The following MARK1 variants were observed in gnomAD, a reference collection of about 807,000 sequenced individuals.
The protein encoded by MARK1 is microtubule affinity regulating kinase 1, also known as serine/threonine-protein kinase MARK1.
In MARK1, 40 loss-of-function variants were observed where a neutral mutation model predicts 96.3. The ratio of observed to expected loss-of-function variants is 0.42; its 90% CI spans 0.32 to 0.54. The LOEUF (loss-of-function observed/expected upper bound fraction) is 0.54, where lower values mean the gene tolerates loss of function less well. MARK1 is among the 20% of genes least tolerant of loss of function. The pLI, the probability that MARK1 is intolerant of heterozygous loss-of-function variation, is 0.16. For synonymous variants in MARK1, 317 were observed against 341.2 expected (o/e 0.93, Z 0.78); for missense variants, 719 against 984.6 (o/e 0.73, Z 3.61).
chr1:220,631,612 C>T (rs1235234302), intron 10 of MARK1, among the ~76,000 whole-genome samples: 2 of 152,174 alleles, frequency 1.3e-5, no homozygotes, highest in African/African-American at 2.4e-5. Context: ...AGCTCTCCTT[C>T]TAACTTGTTC....
chr1:220,634,851 G>A (rs924300445), intron 11 of MARK1, among the ~76,000 whole-genome samples: 3 of 151,640 alleles, frequency 2.0e-5, no homozygotes, highest in Non-Finnish European at 2.9e-5. Context: ...TTTTGCAAAT[G>A]TGGAGAAAAC....
chr1:220,616,905 A>G (rs1666784656), intron 7 of MARK1, among the ~76,000 whole-genome samples: 1 of 152,218 alleles, frequency 6.6e-6, no homozygotes, highest in Non-Finnish European at 1.5e-5. Flanking sequence ...TGCAAAAAAT[A>G]ATCATGTTCA....
At chr1:220,631,994 G>A (rs1667704946) in intron 10 of MARK1, among the ~76,000 whole-genome samples, 1 of 152,062 alleles carries the variant, frequency 6.6e-6, no homozygotes, top group African/African-American at 2.4e-5. Flanking sequence ...CCATGATGTA[G>A]GTAATTTCTG....
Position 220,654,917 on chromosome 1 carries a change from T to C in MARK1, c.1988+1565T>C, listed in dbSNP as rs1207685845. ...CCAAAGCAAGAAAGTGCCTTAGAGC[T>C]GGTCTGTTGGGAGGTTCTGATAAAG... On this transcript the variant is annotated intron_variant, in intron 16 of 17. Transcript: ENST00000366917. This position sits in a 1 kb window ranked among gnomAD's most constrained non-coding sequence, Gnocchi z 4.0. Among the ~76,000 whole-genome samples, 1 of 152,236 alleles carries C rather than the reference T, an allele frequency of 6.6e-6. No homozygotes were observed. Among genetic ancestry groups the C allele is most frequent in the East Asian group, 1.9e-4 (1 of 5,202 alleles).
rs541441840 is a variant in MARK1 at position 220,615,518 on chromosome 1, A to G, written c.496-421A>G. ...AACATGCCTTGAACACATTTGATGT[A>G]ATTCCTAGAATAGAGTTTTGCTTTT... On this transcript the variant is annotated intron_variant, in intron 6 of 17. Transcript: ENST00000366917. 2.0e-5 allele frequency among the ~76,000 whole-genome samples: 3 copies of G among 152,314 alleles called. No homozygotes were observed. The South Asian group carries it at 6.2e-4, about 32-fold the overall frequency.
In MARK1 at chr1:220,533,011, T is replaced by TAAA. The variant is rs80225416; in HGVS notation, c.51+4138_51+4139insAAA. ...GGTGACAGAGTGTGAACCCTTTTTT[T>TAAA]TAAAAAAAAAAATAGATTTTAGAAG... On this transcript the variant is annotated intron_variant, in intron 1 of 17. Transcript: ENST00000366917. 3.6e-5 allele frequency among the ~76,000 whole-genome samples: 4 copies of TAAA among 111,884 alleles called. No individual in the cohort carries two copies. In the East Asian group the frequency reaches 7.2e-4, roughly 20 times the overall value. The allele number at this position is 111,884 out of a possible 152,430, so 73.4% of individuals were successfully genotyped here.
At position 220,631,085 on chromosome 1, in the gene MARK1, A is replaced by G. The variant is rs755051741; in HGVS notation, c.960A>G (p.Leu320=). The G allele has an allele frequency of 3.1e-6, 5 of 1,613,246 alleles. No individual in the cohort carries two copies. Among genetic ancestry groups the G allele is most frequent in the Non-Finnish European group, 4.2e-6 (5 of 1,179,384 alleles). The change falls in exon 10 of 18, where the codon CTA becomes CTG. Residue 320 remains leucine, a synonymous_variant. Coordinates refer to ENST00000366917, the MANE Select transcript of MARK1 (RefSeq NM_018650.5). ...ATGTTGGTCATGAAGAGGAAGAACTAAAGCCATATACTGAGCCTGATCCGG... is the reference window on the plus strand; with the variant it reads ...ATGTTGGTCATGAAGAGGAAGAACTGAAGCCATATACTGAGCCTGATCCGG... ...WMNVGHEEEE[L]KPYTEPDPDF...
intron 6 of MARK1, among the ~76,000 whole-genome samples, chr1:220,612,086 T>G (rs1346572614): frequency 6.6e-6 from 1 of 152,256 alleles, no homozygotes; most frequent in African/African-American, 2.4e-5. Context: ...TAGCTTTTGT[T>G]AGTAGCAGAC....
rs1239067738 is a variant in MARK1, at chr1:220,632,220, C to A, written c.1029C>A (p.Gly343=). 3.3e-6 allele frequency: 5 copies of A among 1,499,154 alleles called. No homozygotes were observed. Among genetic ancestry groups the A allele is most frequent in the Non-Finnish European group, 4.5e-6 (5 of 1,118,772 alleles). 92.9% of individuals were successfully genotyped at this position (1,499,154 alleles called of 1,614,324 possible). ...TKRIDIMVTM[G]FARDEINDAL... is the part of the protein sequence containing the mutation. Reference sequence around the variant, plus strand: ...TTCTAGACATTATGGTCACCATGGGCTTTGCACGAGATGAAATAAATGATG... The same window carrying A: ...TTCTAGACATTATGGTCACCATGGGATTTGCACGAGATGAAATAAATGATG... The change falls in exon 11 of 18, where the codon GGC becomes GGA. Residue 343 remains glycine, a synonymous_variant. Transcript: ENST00000366917.
At chr1:220,572,901 A>T (rs1428254876) in intron 1 of MARK1, among the ~76,000 whole-genome samples, 1 of 152,178 alleles carries the variant, frequency 6.6e-6, no homozygotes, top group African/African-American at 2.4e-5. Flanking sequence ...TTTTTGAGGA[A>T]TGTTTTCACT....
chr1:220,649,330 A>T (rs897805656), intron 13 of MARK1, among the ~76,000 whole-genome samples: 2 of 151,952 alleles, frequency 1.3e-5, no homozygotes, highest in Admixed American at 1.3e-4. Context: ...GGGCTCAGGT[A>T]ATCCTCCCAC....
chr1:220,609,597 A>T (rs1251982684), intron 6 of MARK1, among the ~76,000 whole-genome samples: 1 of 152,212 alleles, frequency 6.6e-6, no homozygotes, highest in Non-Finnish European at 1.5e-5. Context: ...TCCTGTCATT[A>T]CAACGTTTGC....
intron 14 of MARK1, 121 bp downstream of exon 14, chr1:220,650,841 T>A: frequency 1.6e-6 from 1 of 642,302 alleles, no homozygotes; most frequent in Admixed American, 2.8e-5. Context: ...ATAGTAAGAT[T>A]GCAACCAACC....
At chr1:220,608,849 C>T (rs1666253097) in intron 6 of MARK1, among the ~76,000 whole-genome samples, 1 of 152,276 alleles carries the variant, frequency 6.6e-6, no homozygotes, top group African/African-American at 2.4e-5. Context: ...GTTCAGTTCC[C>T]ATGTAGTTGT....
At chr1:220,629,352 C>CTTTT (rs77070158) in intron 9 of MARK1, among the ~76,000 whole-genome samples, 17 of 134,474 alleles carry the variant, frequency 1.3e-4, no homozygotes, top group African/African-American at 4.6e-4. Flanking sequence ...ACAAGATTGC[C>CTTTT]TTTTTTTTTT....
rs1196113009 is a variant in MARK1 at position 220,607,368 on chromosome 1, C to G, written c.495+3231C>G. 5.9e-5 allele frequency among the ~76,000 whole-genome samples: 9 copies of G among 152,132 alleles called. No individual in the cohort carries two copies. In the South Asian group the frequency reaches 1.7e-3, roughly 28 times the overall value. ...GAATGCTTGTGATTTTTTGCACATT[C>G]ATTTTGTATCCTGATACTTTGCTGA... On this transcript the variant is annotated intron_variant, in intron 6 of 17. Coordinates refer to ENST00000366917, the MANE Select transcript of MARK1 (RefSeq NM_018650.5).
intron 1 of MARK1, among the ~76,000 whole-genome samples, chr1:220,550,968 G>A (rs115063675): frequency 1.4e-3 from 216 of 152,338 alleles, no homozygotes; most frequent in African/African-American, 4.9e-3. Context: ...CTGCTTCAGA[G>A]TCTGGTATTA....
chr1:220,559,500 G>T (rs554794617), intron 1 of MARK1, among the ~76,000 whole-genome samples: 1 of 152,346 alleles, frequency 6.6e-6, no homozygotes, highest in African/African-American at 2.4e-5. Context: ...CCCATAGTTG[G>T]AAAGGGACAT....
At position 220,662,199 on chromosome 1, in the gene MARK1, C is replaced by T. The variant is rs1329363255; in HGVS notation, c.*33C>T. The T allele has an allele frequency of 6.6e-7, 1 of 1,507,146 alleles. No homozygotes were observed. The highest frequency in any genetic ancestry group is 1.4e-5 in the African/African-American group (1 of 72,876). 93.4% of individuals were successfully genotyped at this position (1,507,146 alleles called of 1,614,324 possible). On this transcript the variant is annotated 3_prime_UTR_variant, in exon 18 of 18. Coordinates refer to ENST00000366917, the MANE Select transcript of MARK1 (RefSeq NM_018650.5). ...CAAATTTACAGGTTCAGGGAAGATACATACATATATGAGGTACAGTTTTTG... is the reference window on the plus strand; with the variant it reads ...CAAATTTACAGGTTCAGGGAAGATATATACATATATGAGGTACAGTTTTTG...
Sources: gnomAD v4.1 joint callset for allele counts (sites outside exome capture counted in the v4.1 genomes callset) on GRCh38, gnomAD v4.1.1 for gene constraint, Gnocchi (gnomAD v3.1) non-coding constraint, MANE v1.5 for transcripts, NCBI Gene and HGNC (gene_info 2026-07-23, HGNC 2026-07-21) for gene names.